Variants in SMS observed in about 807,000 individuals in gnomAD.
The protein encoded by SMS is spermine synthase, also known as spermidine aminopropyltransferase.
In SMS, 3 loss-of-function variants were observed where a neutral mutation model predicts 33.0. The observed-to-expected ratio is 0.09, with a 90% CI of 0.04 to 0.23. SMS has a LOEUF of 0.23. Ranked by LOEUF, SMS falls within the 10% of genes least tolerant of loss-of-function variation. The pLI is 1.00. For missense variants in SMS, 117 were observed against 288.6 expected (o/e 0.41, Z 4.31); for synonymous variants, 103 against 112.2 (o/e 0.92, Z 0.52).
At chrX:21,945,397 C>T (rs1003289497) in intron 1 of SMS, among the ~76,000 whole-genome samples, 6 of 111,277 alleles carry the variant, frequency 5.4e-5, no homozygotes, top group African/African-American at 2.0e-4. Context: ...AGATTTGTGT[C>T]GCTCAAATTC....
At chrX:21,972,878 C>T (rs1380993753) in intron 4 of SMS, among the ~76,000 whole-genome samples, 9 of 99,331 alleles carry the variant, frequency 9.1e-5, no homozygotes, top group Admixed American at 2.2e-4. Flanking sequence ...ATCATCGCAC[C>T]GCTGCACTCC....
chrX:21,954,649 C>T (rs1442441764), intron 1 of SMS, among the ~76,000 whole-genome samples: 1 of 111,828 alleles, frequency 8.9e-6, no homozygotes, highest in African/African-American at 3.3e-5. Flanking sequence ...GGCTAATATA[C>T]TCTGGTAAAG....
chrX:21,991,682 A>C (rs981830250), intron 9 of SMS, among the ~76,000 whole-genome samples: 1 of 112,517 alleles, frequency 8.9e-6, no homozygotes, highest in African/African-American at 3.2e-5. Flanking sequence ...TTTTAACAAG[A>C]TCCCCTATGA....
Position 21,942,778 on chromosome X carries a change from T to A in SMS, c.49+1905T>A, listed in dbSNP as rs745340493. On this transcript the variant is annotated intron_variant, in intron 1 of 10. Coordinates refer to ENST00000404933, the MANE Select transcript of SMS (RefSeq NM_004595.5). The stretch of plus-strand genomic sequence containing the variant: ...GTGAGTCTGGGAAGTGTCCCTGTTG[T>A]GAGCACCTTGTGAACACTCACCTGT... Among the ~76,000 whole-genome samples the A allele has an allele frequency of 9.2e-5, 10 of 109,196 alleles. No individual in the cohort carries two copies. The South Asian group carries it at 4.0e-3, about 44-fold the overall frequency. The allele number at this position is 109,196 out of a possible 115,157, so 94.8% of individuals were successfully genotyped here.
At chrX:21,981,378 G>A (rs1159596936) in intron 7 of SMS, among the ~76,000 whole-genome samples, 1 of 111,309 alleles carries the variant, frequency 9.0e-6, no homozygotes, top group South Asian at 3.7e-4. Flanking sequence ...TCCCAAGGAG[G>A]GGGGAGGGGT....
Position 21,985,306 on chromosome X carries a change from T to C in SMS, c.945+83T>C, listed in dbSNP as rs1240502112. On this transcript the variant is annotated intron_variant, in intron 9 of 10. Coordinates refer to ENST00000404933, the MANE Select transcript of SMS (RefSeq NM_004595.5). Reference sequence around the variant, plus strand: ...TCTGAATGCACATTTTTGAAATGTATATCTATTAAGGATAGAGCGGCATCA... The same window carrying C: ...TCTGAATGCACATTTTTGAAATGTACATCTATTAAGGATAGAGCGGCATCA... 3 of 580,509 alleles carry C rather than the reference T, an allele frequency of 5.2e-6. No homozygotes were observed. The East Asian group carries it at 1.1e-4, about 21-fold the overall frequency. 47.8% of individuals were successfully genotyped at this position (580,509 alleles called of 1,213,427 possible). A position where few individuals can be genotyped will look rare whatever the true frequency, so the allele number is the denominator to read the frequency against.
At chrX:21,943,270 G>A (rs1921951331) in intron 1 of SMS, among the ~76,000 whole-genome samples, 1 of 112,047 alleles carries the variant, frequency 8.9e-6, no homozygotes. Context: ...TGAAGTGCTG[G>A]TTCACAATAG....
intron 4 of SMS, among the ~76,000 whole-genome samples, chrX:21,973,928 C>G (rs1441715993): frequency 8.9e-6 from 1 of 112,895 alleles, no homozygotes; most frequent in Non-Finnish European, 1.9e-5. Context: ...GTGTCTGGTA[C>G]ATCATGGGAA....
intron 2 of SMS, 40 bp from the exon 3 acceptor site, chrX:21,971,857 G>A (rs375988671): frequency 3.8e-5 from 34 of 886,564 alleles, no homozygotes; most frequent in South Asian, 2.0e-4. Flanking sequence ...TTAATGCCCC[G>A]ATACAATTCT....
rs1921688980 is a variant in SMS at position 21,940,757 on chromosome X, A to G, written c.-68A>G. 3.3e-6 allele frequency: 3 copies of G among 914,007 alleles called. No individual in the cohort carries two copies. The highest frequency in any genetic ancestry group is 4.5e-6 in the Non-Finnish European group (3 of 673,407). The allele number at this position is 914,007 out of a possible 1,213,427, so 75.3% of individuals were successfully genotyped here. On this transcript the variant is annotated 5_prime_UTR_variant, in exon 1 of 11. Transcript: ENST00000404933. ...CACACTCCCAGCCGGCCGCAGCCTG[A>G]CACGCCGCGCGGCCCCCCAGTCTCC...
chrX:21,975,349 A>G (rs943358728), intron 4 of SMS, among the ~76,000 whole-genome samples: 3 of 112,037 alleles, frequency 2.7e-5, no homozygotes, highest in Non-Finnish European at 5.6e-5. Flanking sequence ...TAGAGTTACA[A>G]TGTAGGAAAG....
intron 2 of SMS, 41 bp from the exon 3 acceptor site, chrX:21,971,856 C>T (rs777110939): frequency 2.2e-5 from 20 of 896,696 alleles, no homozygotes; most frequent in South Asian, 8.0e-5. Context: ...TTTAATGCCC[C>T]GATACAATTC....
chrX:21,972,639 T>C (rs1258472071), intron 4 of SMS, 68 bp downstream of exon 4: 1 of 762,917 alleles, frequency 1.3e-6, no homozygotes, highest in Admixed American at 2.3e-5. Context: ...CTGGGCGCGG[T>C]AGCTCACACC....
intron 9 of SMS, among the ~76,000 whole-genome samples, chrX:21,990,626 G>T (rs1925693286): frequency 8.9e-6 from 1 of 112,391 alleles, no homozygotes; most frequent in Non-Finnish European, 1.9e-5. Flanking sequence ...TGACAATGTT[G>T]GGAAAGAACA....
intron 7 of SMS, among the ~76,000 whole-genome samples, chrX:21,980,383 C>T (rs1340092114): frequency 1.1e-5 from 1 of 91,627 alleles, no homozygotes; most frequent in African/African-American, 4.1e-5. Context: ...CACCACTGCA[C>T]TCCAGCCTGG....
rs1333886496 is a variant in SMS at position 21,953,641 on chromosome X, AGTTT to A, written c.49+12771_49+12774del. Among the ~76,000 whole-genome samples the A allele has an allele frequency of 2.7e-5, 3 of 112,113 alleles. No homozygotes were observed. The Admixed American group carries it at 2.8e-4, about 11-fold the overall frequency. On this transcript the variant is annotated intron_variant, in intron 1 of 10. Coordinates refer to ENST00000404933, the MANE Select transcript of SMS (RefSeq NM_004595.5). The stretch of plus-strand genomic sequence containing the variant: ...AATTTCTTTTAATTCCTATTTCATT[AGTTT>A]GTGTTTTTAGAGGAATTGCCCCATT...
Position 21,985,042 on chromosome X carries a change from T to C in SMS, c.866-102T>C, listed in dbSNP as rs965822931. ...GTGGGTCTTACACTCGTGGCTCTTT[T>C]TCTTTTTCCTCTTTTGGTATTGAGT... is the stretch of plus-strand genomic sequence containing the variant. On this transcript the variant is annotated intron_variant, in intron 8 of 10. Transcript: ENST00000404933. 5.5e-6 allele frequency: 3 copies of C among 547,551 alleles called. No homozygotes were observed. The Admixed American group carries it at 7.5e-5, about 14-fold the overall frequency. 45.1% of individuals were successfully genotyped at this position (547,551 alleles called of 1,213,427 possible).
chrX:21,994,326 C>G lies in SMS; in HGVS notation c.1076C>G (p.Thr359Ser). The change falls in exon 11 of 11, where the codon ACT (threonine) becomes AGT (serine). Residue 359 changes from threonine to serine, a missense_variant. Thr to Ser is a moderately conservative substitution (Grantham distance 58). Around this residue, in one of 3 missense-constraint regions of SMS, gnomAD observed 69 missense variants for 203.8 expected, o/e 0.34. Coordinates refer to ENST00000404933, the MANE Select transcript of SMS (RefSeq NM_004595.5). ...TCCCTGTCCAGGTGGGTATTTTACA[C>G]TGTTTGGAAGAAAGCTAAACCCTGA... ...PSYLELWVFY[T>S]VWKKAKP 1 of 1,209,689 alleles carries G rather than the reference C, an allele frequency of 8.3e-7. No homozygotes were observed. The highest frequency in any genetic ancestry group is 3.0e-5 in the East Asian group (1 of 33,848).
At chrX:21,947,026 C>T (rs766116850) in intron 1 of SMS, among the ~76,000 whole-genome samples, 1 of 111,671 alleles carries the variant, frequency 9.0e-6, no homozygotes, top group Non-Finnish European at 1.9e-5. Context: ...CCTGAACCAT[C>T]GCTCTTTTTA....
Sources: gnomAD v4.1 joint callset for allele counts (sites outside exome capture counted in the v4.1 genomes callset) on GRCh38, gnomAD v4.1.1 for gene constraint, gnomAD v4.1.1 regional missense constraint, MANE v1.5 for transcripts, NCBI Gene and HGNC (gene_info 2026-07-23, HGNC 2026-07-21) for gene names.